The following RANBP17 variants were observed in gnomAD, a reference collection of about 807,000 sequenced individuals.
RANBP17 encodes the protein RAN binding protein 17, also known as ran-binding protein 17.
RANBP17 carries 158 observed loss-of-function variants against 141.2 expected under a neutral mutation model. The ratio of observed to expected loss-of-function variants is 1.12; its 90% CI spans 0.98 to 1.28. The LOEUF (loss-of-function observed/expected upper bound fraction) is 1.28. RANBP17 is among the 50% of genes most tolerant of loss of function. The probability of loss-of-function intolerance (pLI) is 0.00; values close to 1 mark genes in which losing one functional copy is unlikely to be tolerated. For synonymous variants in RANBP17, 430 were observed against 450.0 expected (o/e 0.96, Z 0.56); for missense variants, 1,438 against 1,290.7 (o/e 1.11, Z -1.75).
intron 14 of RANBP17, among the ~76,000 whole-genome samples, chr5:171,033,347 G>C (rs1562006749): frequency 6.6e-6 from 1 of 152,166 alleles, no homozygotes; most frequent in African/African-American, 2.4e-5. Context: ...ATATGGAACT[G>C]TCTAGGGCCT....
intron 12 of RANBP17, among the ~76,000 whole-genome samples, chr5:170,939,521 A>G (rs1774158895): frequency 6.6e-6 from 1 of 151,946 alleles, no homozygotes; most frequent in African/African-American, 2.4e-5. Context: ...AGTAGCTGGG[A>G]CTACAGTCAT....
rs146477539 is a variant in RANBP17 at position 171,137,665 on chromosome 5, A to G, written c.1711-32465A>G. Among the ~76,000 whole-genome samples, 267 of 150,848 alleles carry G rather than the reference A, an allele frequency of 1.8e-3. 1 individual carries two copies. The highest frequency in any genetic ancestry group is 5.7e-3 in the African/African-American group (235 of 41,048). On this transcript the variant is annotated intron_variant, in intron 14 of 27. Transcript: ENST00000523189. ...ATTCCCCTAATTGATAAACTATAAA[A>G]TAATCTTTCTCTTTTCACTTTGGCC... is the stretch of plus-strand genomic sequence containing the variant.
intron 5 of RANBP17, among the ~76,000 whole-genome samples, chr5:170,909,216 A>G (rs1310416344): frequency 1.3e-5 from 2 of 151,906 alleles, no homozygotes; most frequent in African/African-American, 4.8e-5. Flanking sequence ...TCAAAGATAT[A>G]TGAACTAATG....
chr5:170,903,495 T>TA (rs1410397783), intron 5 of RANBP17: 1 of 178,376 alleles, frequency 5.6e-6, no homozygotes, highest in African/African-American at 2.4e-5. Context: ...AGTGAACGCT[T>TA]ACGTCTTGCT....
intron 14 of RANBP17, among the ~76,000 whole-genome samples, chr5:171,122,653 C>T (rs1756122813): frequency 6.6e-6 from 1 of 152,206 alleles, no homozygotes; most frequent in Non-Finnish European, 1.5e-5. Flanking sequence ...ACTGCAGACT[C>T]CTGCAGTCCT....
chr5:170,909,061 A>G (rs557138730), intron 5 of RANBP17, among the ~76,000 whole-genome samples: 2 of 151,866 alleles, frequency 1.3e-5, no homozygotes, highest in Non-Finnish European at 2.9e-5. Flanking sequence ...ATTTTAGGTT[A>G]GAGGCCTAAG....
chr5:171,278,510 T>G (rs372283780), intron 25 of RANBP17, among the ~76,000 whole-genome samples: 8 of 151,984 alleles, frequency 5.3e-5, no homozygotes, highest in African/African-American at 1.9e-4. Flanking sequence ...AAAAAAAAAT[T>G]TATAAAGATG....
intron 14 of RANBP17, among the ~76,000 whole-genome samples, chr5:171,111,953 T>C (rs749831886): frequency 6.6e-6 from 1 of 152,156 alleles, no homozygotes; most frequent in African/African-American, 2.4e-5. Flanking sequence ...AAACACTGAA[T>C]GAAAAAGTAA....
At chr5:171,221,560 C>A (rs1458379177) in intron 21 of RANBP17, among the ~76,000 whole-genome samples, 198 bp from the exon 22 acceptor site, 2 of 152,224 alleles carry the variant, frequency 1.3e-5, no homozygotes, top group Admixed American at 6.5e-5. Flanking sequence ...GAAAATAATT[C>A]TTCTTAATTG....
intron 14 of RANBP17, among the ~76,000 whole-genome samples, chr5:171,024,970 C>T (rs1781133845): frequency 6.6e-6 from 1 of 152,158 alleles, no homozygotes; most frequent in Admixed American, 6.5e-5. Flanking sequence ...AAACAGAATT[C>T]ATGATATCCT....
chr5:171,034,019 G>A (rs1208061210), intron 14 of RANBP17, among the ~76,000 whole-genome samples: 1 of 152,148 alleles, frequency 6.6e-6, no homozygotes, highest in Admixed American at 6.6e-5. Flanking sequence ...GACTGAAACA[G>A]GAGGATCATT....
chr5:171,257,995 A>G (rs1232164385), intron 24 of RANBP17, among the ~76,000 whole-genome samples: 1 of 151,962 alleles, frequency 6.6e-6, no homozygotes, highest in Non-Finnish European at 1.5e-5. Flanking sequence ...AATCCCAGCT[A>G]CTCAGGAGGC....
At chr5:171,202,043 A>G (rs1035355241) in intron 19 of RANBP17, among the ~76,000 whole-genome samples, 1 of 152,222 alleles carries the variant, frequency 6.6e-6, no homozygotes, top group Non-Finnish European at 1.5e-5. Flanking sequence ...CTCCCTATTT[A>G]TAGATAGTTT....
intron 14 of RANBP17, among the ~76,000 whole-genome samples, chr5:171,137,883 T>C (rs116704101): frequency 0.018 from 2,671 of 151,676 alleles, 87 homozygotes; most frequent in African/African-American, 0.062. Context: ...TCACCCCAAA[T>C]ACTGAGTCAC....
intron 18 of RANBP17, among the ~76,000 whole-genome samples, chr5:171,199,360 C>A (rs1448866222): frequency 6.6e-6 from 1 of 151,728 alleles, no homozygotes; most frequent in Non-Finnish European, 1.5e-5. Flanking sequence ...TTCCTTGAGG[C>A]ATTAGAGAAG....
At chr5:170,867,494 C>T (rs1392762401) in intron 1 of RANBP17, among the ~76,000 whole-genome samples, 3 of 151,792 alleles carry the variant, frequency 2.0e-5, no homozygotes, top group Non-Finnish European at 4.4e-5. Context: ...AGATAAAAGC[C>T]TTCAGGGATA....
chr5:171,096,901 T>A (rs565466651), intron 14 of RANBP17, among the ~76,000 whole-genome samples: 10 of 152,268 alleles, frequency 6.6e-5, no homozygotes, highest in Admixed American at 5.2e-4. Context: ...ATTGTAAGTA[T>A]ATGGTAGAAC....
At chr5:171,003,377 G>A (rs1289127973) in intron 14 of RANBP17, among the ~76,000 whole-genome samples, 1 of 152,142 alleles carries the variant, frequency 6.6e-6, no homozygotes, top group Non-Finnish European at 1.5e-5. Context: ...GGTTTTGTTA[G>A]GATGGCAAAA....
In RANBP17 at chr5:170,956,857, G is replaced by A. The variant is rs1775742936; in HGVS notation, c.1574+3155G>A. Among the ~76,000 whole-genome samples the A allele has an allele frequency of 2.0e-5, 3 of 151,778 alleles. 1 individual carries two copies. The South Asian group carries it at 6.2e-4, about 32-fold the overall frequency. ...GAGGCCAAGGTGGGCGGATCACGAGGTCAGGAGATCGAGACCATCCTGGCT... is the reference window on the plus strand; with the variant it reads ...GAGGCCAAGGTGGGCGGATCACGAGATCAGGAGATCGAGACCATCCTGGCT... On this transcript the variant is annotated intron_variant, in intron 13 of 27. Transcript: ENST00000523189.
Sources: gnomAD v4.1 joint callset for allele counts (sites outside exome capture counted in the v4.1 genomes callset) on GRCh38, gnomAD v4.1.1 for gene constraint, MANE v1.5 for transcripts, NCBI Gene and HGNC (gene_info 2026-07-23, HGNC 2026-07-21) for gene names.